Variants in ZDHHC1 observed in about 807,000 individuals in gnomAD.
ZDHHC1 encodes the protein zDHHC palmitoyltransferase 1, also known as palmitoyltransferase ZDHHC1.
A neutral mutation model predicts 46.9 loss-of-function variants in ZDHHC1; 45 were observed. The ratio of observed to expected loss-of-function variants is 0.96; its 90% CI spans 0.76 to 1.23. The LOEUF (loss-of-function observed/expected upper bound fraction) is 1.23, where lower values mean the gene tolerates loss of function less well. ZDHHC1 is among the 50% of genes most tolerant of loss of function. The probability of loss-of-function intolerance (pLI) is 0.00; values close to 1 mark genes in which losing one functional copy is unlikely to be tolerated. For missense variants in ZDHHC1, 649 were observed against 670.8 expected (o/e 0.97, Z 0.36); for synonymous variants, 291 against 286.0 (o/e 1.02, Z -0.18).
Position 67,398,805 on chromosome 16 carries a change from G to A in ZDHHC1, c.655+15C>T, listed in dbSNP as rs762504455. On this transcript the variant is annotated intron_variant, in intron 6 of 11. Coordinates refer to ENST00000565726, the MANE Select transcript of ZDHHC1 (RefSeq NM_001323627.2). ...CAGGGTTGGGGGTGAGAATAGGCCC[G>A]GAGCCTAAACTGACCTTCAAAGTGT... 8.7e-6 allele frequency: 14 copies of A among 1,612,306 alleles called. No individual in the cohort carries two copies. Among genetic ancestry groups the A allele is most frequent in the East Asian group, 4.5e-5 (2 of 44,804 alleles).
intron 1 of ZDHHC1, among the ~76,000 whole-genome samples, chr16:67,414,509 GT>G (rs1021440035): frequency 6.6e-6 from 1 of 152,178 alleles, no homozygotes; most frequent in African/African-American, 2.4e-5. Flanking sequence ...CTCCTACAGT[GT>G]TTGCATGATA....
In ZDHHC1 at chr16:67,394,236, A is replaced by C. The variant is rs924440849; in HGVS notation, c.*374T>G. 2.0e-5 allele frequency among the ~76,000 whole-genome samples: 3 copies of C among 152,172 alleles called. No homozygotes were observed. Among genetic ancestry groups the C allele is most frequent in the Admixed American group, 2.0e-4 (3 of 15,286 alleles). On this transcript the variant is annotated 3_prime_UTR_variant, in exon 12 of 12. Coordinates refer to ENST00000565726, the MANE Select transcript of ZDHHC1 (RefSeq NM_001323627.2). ...AGTGCAAAGCCCATCTTTAAGAAAAATAACCTCCTCCAGGCCGCCTTCTAA... is the reference window on the plus strand; with the variant it reads ...AGTGCAAAGCCCATCTTTAAGAAAACTAACCTCCTCCAGGCCGCCTTCTAA...
Position 67,406,191 on chromosome 16 carries a change from C to A in ZDHHC1, c.252+9G>T. The A allele has an allele frequency of 1.9e-6, 3 of 1,613,376 alleles. No individual in the cohort carries two copies. Among genetic ancestry groups the A allele is most frequent in the Non-Finnish European group, 1.7e-6 (2 of 1,179,654 alleles). On this transcript the variant is annotated intron_variant, in intron 3 of 11. Coordinates refer to ENST00000565726, the MANE Select transcript of ZDHHC1 (RefSeq NM_001323627.2). The surrounding 1 kb of genome is among the most constrained non-coding windows in gnomAD (Gnocchi z 4.1). Reference sequence around the variant, plus strand: ...TCCACACACCAGCCCTACGCTTTCCCAAGGATACAGCGTAGCCAGCGGGCA... The same window carrying A: ...TCCACACACCAGCCCTACGCTTTCCAAAGGATACAGCGTAGCCAGCGGGCA...
In ZDHHC1 at chr16:67,395,218, G is replaced by A. The variant is rs1368847990; in HGVS notation, c.1073C>T (p.Thr358Ile). 1 of 1,610,038 alleles carries A rather than the reference G, an allele frequency of 6.2e-7. No homozygotes were observed. Among genetic ancestry groups the A allele is most frequent in the East Asian group, 2.2e-5 (1 of 44,804 alleles). The change falls in exon 10 of 12, where the codon ACT becomes ATT. Residue 358 changes from threonine to isoleucine, a missense_variant. Transcript: ENST00000565726. ...AEPPPPSSPD[T>I]LALPPRIRPQ... The stretch of plus-strand genomic sequence containing the variant: ...TCGGATCCGGGGAGGCAGGGCGAGA[G>A]TGTCTGGGGAAGAGGGTGGTGGAGG...
chr16:67,412,304 A>AT (rs2040760135), intron 1 of ZDHHC1, among the ~76,000 whole-genome samples: 2 of 151,410 alleles, frequency 1.3e-5, no homozygotes, highest in Non-Finnish European at 2.9e-5. Flanking sequence ...ATATATATAT[A>AT]TTTTTATCAT....
At chr16:67,402,922 C>T (rs1016475217) in intron 3 of ZDHHC1, among the ~76,000 whole-genome samples, 1 of 152,226 alleles carries the variant, frequency 6.6e-6, no homozygotes. Context: ...GCCACCACTC[C>T]TGCCCAAAAA....
Position 67,416,378 on chromosome 16 carries a change from T to TCCGGCTCCGGCTCCGGCTCCGGCTCC in ZDHHC1, c.-247_-246insGGAGCCGGAGCCGGAGCCGGAGCCGG, listed in dbSNP as rs2040835117. On this transcript the variant is annotated 5_prime_UTR_variant, in exon 1 of 12. Coordinates refer to ENST00000565726, the MANE Select transcript of ZDHHC1 (RefSeq NM_001323627.2). ...CCGGTGAGTCCTCGAGCTCTGGCTCTGGCTCCGGCTCCGGCTCCGGCTCCG... is the reference window on the plus strand; with the variant it reads ...CCGGTGAGTCCTCGAGCTCTGGCTCTCCGGCTCCGGCTCCGGCTCCGGCTCCGGCTCCGGCTCCGGCTCCGGCTCCG... The TCCGGCTCCGGCTCCGGCTCCGGCTCC allele has an allele frequency of 4.9e-6, 1 of 202,116 alleles. No individual in the cohort carries two copies. The highest frequency in any genetic ancestry group is 2.4e-5 in the African/African-American group (1 of 41,236). The allele number at this position is 202,116 out of a possible 1,614,324, so 12.5% of individuals were successfully genotyped here.
chr16:67,395,542 A>G lies in ZDHHC1; in HGVS notation c.952T>C (p.Phe318Leu). The stretch of plus-strand genomic sequence containing the variant: ...GGGGGCTCTGGGCGCATATGTCTGA[A>G]GGTCCGCATGTAGAACTCCATCTCC... ...IQEMEFYMRTFRHMRPEPPGQ... is the reference protein window; with the variant it reads ...IQEMEFYMRTLRHMRPEPPGQ... Residue 318 changes from phenylalanine (F) to leucine (L), a missense_variant, in exon 9 of 12, where the codon TTC (phenylalanine) becomes CTC (leucine). Physicochemically the swap from Phe to Leu is conservative, Grantham distance 22 (BLOSUM62 0). Transcript: ENST00000565726. 1 of 1,554,738 alleles carries G rather than the reference A, an allele frequency of 6.4e-7. No individual in the cohort carries two copies.
intron 3 of ZDHHC1, among the ~76,000 whole-genome samples, chr16:67,403,026 G>T (rs1355628597): frequency 6.6e-6 from 1 of 152,206 alleles, no homozygotes; most frequent in Non-Finnish European, 1.5e-5. Context: ...TAGTCTGAAG[G>T]GGTCCAGAAG....
chr16:67,398,625 G>A lies in ZDHHC1; in HGVS notation c.762C>T (p.Gly254=), dbSNP rs139329657. ...GCCCCAGGAGGGCTGTGGACAGGAG[G>A]CCCAGAAGGATGAGCAGGGCGGCCA... ...LALAALLILL[G]LLSTALLGHL... Residue 254 remains glycine, a synonymous_variant, in exon 7 of 12, where the codon GGC becomes GGT. Coordinates refer to ENST00000565726, the MANE Select transcript of ZDHHC1 (RefSeq NM_001323627.2). 7.0e-4 allele frequency: 1,125 copies of A among 1,606,770 alleles called. 2 individuals carry two copies. The highest frequency in any genetic ancestry group is 9.0e-4 in the Admixed American group (53 of 58,704).
rs139575993 is a variant in ZDHHC1 at position 67,411,550 on chromosome 16, T to C, written c.-38-3737A>G. 9.5e-4 allele frequency among the ~76,000 whole-genome samples: 145 copies of C among 152,340 alleles called. 1 individual carries two copies. In the Middle Eastern group the frequency reaches 0.034, roughly 36 times the overall value. On this transcript the variant is annotated intron_variant, in intron 1 of 11. Coordinates refer to ENST00000565726, the MANE Select transcript of ZDHHC1 (RefSeq NM_001323627.2). ...GCAATATCCAAGTCTGGCGAAACTT[T>C]AGAACATATATGCCCTTTGACCCAG...
rs372075684 is a variant in ZDHHC1 at position 67,401,037 on chromosome 16, C to G, written c.348G>C (p.Ala116=). 2 of 1,614,156 alleles carry G rather than the reference C, an allele frequency of 1.2e-6. No homozygotes were observed. Among genetic ancestry groups the G allele is most frequent in the Non-Finnish European group, 1.7e-6 (2 of 1,180,042 alleles). The change falls in exon 4 of 12, where the codon GCG becomes GCC. Residue 116 remains alanine, a synonymous_variant. Coordinates refer to ENST00000565726, the MANE Select transcript of ZDHHC1 (RefSeq NM_001323627.2). The surrounding 1 kb of genome is among the most constrained non-coding windows in gnomAD (Gnocchi z 4.6). ...ADANVRDKSY[A]GPLPIFNRSQ... ...TTCGGTTGAAGATGGGCAGGGGCCC[C>G]GCATAGCTCTTGTCCCGCACGTTGG... is the stretch of plus-strand genomic sequence containing the variant.
At position 67,406,178 on chromosome 16, in the gene ZDHHC1, C is replaced by T. The variant is rs757275561; in HGVS notation, c.252+22G>A. 4.3e-6 allele frequency: 7 copies of T among 1,611,812 alleles called. No homozygotes were observed. In the East Asian group the frequency reaches 1.6e-4, roughly 36 times the overall value. On this transcript the variant is annotated intron_variant, in intron 3 of 11. Coordinates refer to ENST00000565726, the MANE Select transcript of ZDHHC1 (RefSeq NM_001323627.2). The surrounding 1 kb of genome is among the most constrained non-coding windows in gnomAD (Gnocchi z 4.1). ...TTGCCTCCCCACTTCCACACACCAG[C>T]CCTACGCTTTCCCAAGGATACAGCG...
intron 4 of ZDHHC1, 66 bp from the exon 5 acceptor site, chr16:67,399,522 G>A: frequency 7.1e-7 from 1 of 1,417,846 alleles, no homozygotes; most frequent in South Asian, 1.2e-5. Flanking sequence ...CGGCCGGTCG[G>A]GGTGGTTGAG....
intron 8 of ZDHHC1, among the ~76,000 whole-genome samples, chr16:67,397,785 T>G (rs1411886997): frequency 6.6e-6 from 1 of 152,150 alleles, no homozygotes; most frequent in Non-Finnish European, 1.5e-5. Context: ...TAGGCCTCAG[T>G]AGGCACATCT....
At chr16:67,402,255 C>T (rs2040565713) in intron 3 of ZDHHC1, among the ~76,000 whole-genome samples, 1 of 152,232 alleles carries the variant, frequency 6.6e-6, no homozygotes, top group African/African-American at 2.4e-5. Flanking sequence ...TGAGTCTATG[C>T]TTCACATGGT....
intron 4 of ZDHHC1, 113 bp from the exon 5 acceptor site, chr16:67,399,569 C>A (rs2040507510): frequency 1.3e-5 from 11 of 838,270 alleles, no homozygotes; most frequent in Non-Finnish European, 1.9e-5. Flanking sequence ...AGGCCTGAGA[C>A]AGCCCCGAGC....
At position 67,409,199 on chromosome 16, in the gene ZDHHC1, G is replaced by T. The variant is rs1237072766; in HGVS notation, c.-38-1386C>A. Among the ~76,000 whole-genome samples, 5 of 152,204 alleles carry T rather than the reference G, an allele frequency of 3.3e-5. No individual in the cohort carries two copies. The South Asian group carries it at 1.0e-3, about 32-fold the overall frequency. Reference sequence around the variant, plus strand: ...GGCGCCCGCCACTTACAGCCTTGGGGATGGCTCTGACTCCAAATCAGGATA... The same window carrying T: ...GGCGCCCGCCACTTACAGCCTTGGGTATGGCTCTGACTCCAAATCAGGATA... On this transcript the variant is annotated intron_variant, in intron 1 of 11. Transcript: ENST00000565726.
intron 1 of ZDHHC1, among the ~76,000 whole-genome samples, chr16:67,411,560 A>G (rs1478928427): frequency 6.6e-6 from 1 of 152,198 alleles, no homozygotes; most frequent in Non-Finnish European, 1.5e-5. Context: ...TAGAACATAT[A>G]TGCCCTTTGA....
Sources: allele counts gnomAD v4.1 joint callset (sites outside exome capture counted in the v4.1 genomes callset), GRCh38; gene constraint gnomAD v4.1.1; non-coding constraint Gnocchi (gnomAD v3.1); transcripts MANE v1.5; gene names NCBI Gene and HGNC (gene_info 2026-07-23, HGNC 2026-07-21).